VTI1A: variants seen among roughly 807,000 people sequenced by gnomAD.
VTI1A encodes vesicle transport through interaction with t-SNAREs 1A.
Under a neutral mutation model 34.9 loss-of-function variants are expected in VTI1A, and 22 were observed. That is an observed-to-expected ratio of 0.63 (90% CI 0.45 to 0.90). The LOEUF (loss-of-function observed/expected upper bound fraction) is 0.90. Among genes scored for constraint, VTI1A ranks in the 40% least tolerant of loss-of-function variants. The pLI, the probability that VTI1A is intolerant of heterozygous loss-of-function variation, is 0.00. For synonymous variants in VTI1A, 87 were observed against 97.3 expected, an observed-to-expected ratio of 0.89 and a Z score of 0.62; for missense variants, 268 against 275.6, an observed-to-expected ratio of 0.97 and a Z score of 0.20.
At chr10:112,658,738 C>G (rs1001333577) in intron 5 of VTI1A, among the ~76,000 whole-genome samples, 8 of 152,142 alleles carry the variant, frequency 5.3e-5, no homozygotes, top group African/African-American at 1.9e-4. Flanking sequence ...AAGAAAGAAG[C>G]TATAACTCAG....
At chr10:112,546,393 G>A (rs1459180231) in intron 5 of VTI1A, among the ~76,000 whole-genome samples, 2 of 151,868 alleles carry the variant, frequency 1.3e-5, no homozygotes, top group Non-Finnish European at 2.9e-5. Context: ...ATAGTGAGAT[G>A]CCCTCTCTAT....
chr10:112,650,366 C>A (rs1326541976), intron 5 of VTI1A, among the ~76,000 whole-genome samples: 1 of 152,134 alleles, frequency 6.6e-6, no homozygotes, highest in Non-Finnish European at 1.5e-5. Flanking sequence ...TCTGCAGGGC[C>A]AATAACATGC....
In VTI1A at chr10:112,538,306, G is replaced by A. The variant is rs1282224490; in HGVS notation, c.403G>A (p.Gly135Arg). Residue 135 changes from glycine to arginine, a missense_variant, in exon 5 of 8, where the codon GGA becomes AGA. Coordinates refer to ENST00000393077, the MANE Select transcript of VTI1A (RefSeq NM_145206.4). ...AAGGTCATCTCGGAGACTAGAGGCTGGATACCAAATAGCAGTGGAAACCGG... is the reference window on the plus strand; with the variant it reads ...AAGGTCATCTCGGAGACTAGAGGCTAGATACCAAATAGCAGTGGAAACCGG... ...LERSSRRLEA[G>R]YQIAVETEQI... 1.2e-6 allele frequency: 2 copies of A among 1,613,590 alleles called. No individual in the cohort carries two copies. The highest frequency in any genetic ancestry group is 1.7e-5 in the Admixed American group (1 of 59,968).
At chr10:112,789,028 A>G (rs910212763) in intron 7 of VTI1A, among the ~76,000 whole-genome samples, 1 of 152,168 alleles carries the variant, frequency 6.6e-6, no homozygotes, top group Non-Finnish European at 1.5e-5. Context: ...ATACAAAATT[A>G]TAGTGAGTGC....
At chr10:112,728,681 T>C (rs893545350) in intron 7 of VTI1A, among the ~76,000 whole-genome samples, 13 of 152,172 alleles carry the variant, frequency 8.5e-5, no homozygotes, top group African/African-American at 2.9e-4. Flanking sequence ...AGAATCATAC[T>C]TGGGGGTAAT....
intron 7 of VTI1A, among the ~76,000 whole-genome samples, chr10:112,807,697 C>T (rs886092487): frequency 6.6e-6 from 1 of 151,784 alleles, no homozygotes; most frequent in African/African-American, 2.4e-5. Context: ...CTACTAAAAA[C>T]ACAAAATTAG....
intron 5 of VTI1A, among the ~76,000 whole-genome samples, chr10:112,566,150 TG>T (rs1390315261): frequency 6.6e-6 from 1 of 152,128 alleles, no homozygotes; most frequent in Non-Finnish European, 1.5e-5. Flanking sequence ...AAAATTAGTA[TG>T]TTTTTTTCTA....
intron 5 of VTI1A, among the ~76,000 whole-genome samples, chr10:112,627,512 C>G (rs969310366): frequency 2.0e-5 from 3 of 152,160 alleles, no homozygotes; most frequent in Admixed American, 2.0e-4. Flanking sequence ...CCCTACCCAT[C>G]TATCTCTCCC....
intron 7 of VTI1A, among the ~76,000 whole-genome samples, chr10:112,700,304 A>G (rs12254575): frequency 2.2e-4 from 33 of 152,240 alleles, no homozygotes; most frequent in Non-Finnish European, 4.3e-4. Flanking sequence ...TTTTCCTGCT[A>G]TGTCACAAGG....
intron 7 of VTI1A, among the ~76,000 whole-genome samples, chr10:112,757,960 A>G (rs939211497): frequency 1.3e-5 from 2 of 152,228 alleles, no homozygotes; most frequent in Admixed American, 6.5e-5. Flanking sequence ...TGCACAGTTT[A>G]ATCTTCTACT....
chr10:112,757,862 C>T (rs1329065822), intron 7 of VTI1A, among the ~76,000 whole-genome samples: 1 of 152,126 alleles, frequency 6.6e-6, no homozygotes, highest in African/African-American at 2.4e-5. Flanking sequence ...TTGGTTTTTA[C>T]AAAACATGCA....
At chr10:112,605,241 T>C (rs1589964020) in intron 5 of VTI1A, among the ~76,000 whole-genome samples, 3 of 152,240 alleles carry the variant, frequency 2.0e-5, no homozygotes, top group African/African-American at 4.8e-5. Flanking sequence ...AAGAACGATA[T>C]GTGTAGTGTC....
At chr10:112,734,664 T>C (rs901732753) in intron 7 of VTI1A, among the ~76,000 whole-genome samples, 1 of 151,816 alleles carries the variant, frequency 6.6e-6, no homozygotes, top group Non-Finnish European at 1.5e-5. Context: ...CTTTTTTTTT[T>C]TTTTTTGACA....
chr10:112,465,600 A>C (rs1847870046), intron 3 of VTI1A, among the ~76,000 whole-genome samples: 1 of 152,260 alleles, frequency 6.6e-6, no homozygotes, highest in African/African-American at 2.4e-5. Flanking sequence ...ATGTGAAATA[A>C]GTCACTCACA....
intron 3 of VTI1A, among the ~76,000 whole-genome samples, chr10:112,479,899 C>G (rs1848407266): frequency 6.6e-6 from 1 of 152,144 alleles, no homozygotes; most frequent in South Asian, 2.1e-4. Context: ...GCCTTTTATC[C>G]AGTTAATCTG....
At chr10:112,569,169 A>G (rs1452896779) in intron 5 of VTI1A, among the ~76,000 whole-genome samples, 9 of 151,708 alleles carry the variant, frequency 5.9e-5, no homozygotes, top group African/African-American at 1.2e-4. Flanking sequence ...AAAAAAAGCT[A>G]TGGGAAAAAA....
chr10:112,488,407 T>C (rs1848715906), intron 3 of VTI1A, among the ~76,000 whole-genome samples: 1 of 152,230 alleles, frequency 6.6e-6, no homozygotes, highest in African/African-American at 2.4e-5. Flanking sequence ...CAAGTCGAAC[T>C]ATCATTATAA....
intron 7 of VTI1A, among the ~76,000 whole-genome samples, chr10:112,695,393 G>A (rs1163543656): frequency 6.6e-6 from 1 of 151,672 alleles, no homozygotes; most frequent in Non-Finnish European, 1.5e-5. Context: ...TAAGGGTAAG[G>A]TATAAAGATT....
intron 1 of VTI1A, among the ~76,000 whole-genome samples, chr10:112,457,017 C>T (rs1013357581): frequency 2.6e-5 from 4 of 152,112 alleles, no homozygotes; most frequent in African/African-American, 9.7e-5. Context: ...TCACTTCTGT[C>T]GCATTCAGCC....
Sources: gnomAD v4.1 joint callset for allele counts (sites outside exome capture counted in the v4.1 genomes callset) on GRCh38, gnomAD v4.1.1 for gene constraint, MANE v1.5 for transcripts, NCBI Gene and HGNC (gene_info 2026-07-23, HGNC 2026-07-21) for gene names.